PCDH11X: variants seen among roughly 807,000 people sequenced by gnomAD.
The protein encoded by PCDH11X is protocadherin-11 X-linked.
In PCDH11X, 18 loss-of-function variants were observed where a neutral mutation model predicts 53.3. That is an observed-to-expected ratio of 0.34 (90% CI 0.23 to 0.50). The LOEUF is 0.50. Ranked by LOEUF, PCDH11X falls within the 20% of genes least tolerant of loss-of-function variation. The pLI is 0.98. For missense variants in PCDH11X, 570 were observed against 1,032.4 expected (o/e 0.55, Z 6.14); for synonymous variants, 279 against 393.3 (o/e 0.71, Z 3.44).
chrX:92,583,282 G>T (rs1402402312), intron 10 of PCDH11X, among the ~76,000 whole-genome samples: 1 of 102,657 alleles, frequency 9.7e-6, no homozygotes, highest in Non-Finnish European at 2.0e-5. Context: ...TGTATTTTTA[G>T]TAGAGATGGG....
chrX:92,133,204 T>C (rs2065025634), intron 6 of PCDH11X, among the ~76,000 whole-genome samples: 1 of 111,841 alleles, frequency 8.9e-6, no homozygotes, highest in Non-Finnish European at 1.9e-5. Context: ...AGTTCTGACA[T>C]CCTTTATGAA....
At chrX:91,822,283 G>A (rs1428050561) in intron 4 of PCDH11X, among the ~76,000 whole-genome samples, 350 of 106,513 alleles carry the variant, frequency 3.3e-3, no homozygotes, top group African/African-American at 0.012. Context: ...GGTAGAATTC[G>A]GCTGTGAATC....
At chrX:92,238,016 C>A (rs747287955) in intron 7 of PCDH11X, among the ~76,000 whole-genome samples, 79 of 111,515 alleles carry the variant, frequency 7.1e-4, no homozygotes, top group Non-Finnish European at 1.3e-3. Flanking sequence ...AATATTTTAT[C>A]CATAGAAAAC....
At chrX:92,540,690 C>G (rs1307977246) in intron 10 of PCDH11X, among the ~76,000 whole-genome samples, 1 of 107,110 alleles carries the variant, frequency 9.3e-6, no homozygotes, top group Admixed American at 1.0e-4. Flanking sequence ...CAGTACATCT[C>G]AGAGCCCGAG....
chrX:92,490,888 C>A (rs1404987179), intron 10 of PCDH11X, among the ~76,000 whole-genome samples: 1 of 109,234 alleles, frequency 9.2e-6, no homozygotes, highest in Admixed American at 1.0e-4. Context: ...AATGGAAGAA[C>A]AATTAATGAC....
intron 8 of PCDH11X, among the ~76,000 whole-genome samples, chrX:92,359,997 C>T (rs1207814925): frequency 9.0e-6 from 1 of 111,018 alleles, no homozygotes; most frequent in Non-Finnish European, 1.9e-5. Flanking sequence ...ATTAATCTCT[C>T]CATCAAGTTT....
At chrX:91,845,120 G>A (rs6618809) in intron 5 of PCDH11X, among the ~76,000 whole-genome samples, 11,906 of 111,195 alleles carry the variant, frequency 0.11, 1,563 homozygotes, top group African/African-American at 0.37. Context: ...ATATCAAAAA[G>A]CCAAAGAATA....
chrX:92,165,843 G>A (rs981971002), intron 6 of PCDH11X, among the ~76,000 whole-genome samples: 3 of 111,197 alleles, frequency 2.7e-5, no homozygotes, highest in African/African-American at 9.8e-5. Flanking sequence ...CATAGGAGGG[G>A]ATAGATTTCA....
chrX:92,133,380 T>A (rs1168458985), intron 6 of PCDH11X, among the ~76,000 whole-genome samples: 1 of 111,550 alleles, frequency 9.0e-6, no homozygotes, highest in Non-Finnish European at 1.9e-5. Context: ...TTTCTTTGTT[T>A]CTTTGAGACG....
At chrX:92,398,926 C>T (rs2071313291) in intron 9 of PCDH11X, among the ~76,000 whole-genome samples, 1 of 110,935 alleles carries the variant, frequency 9.0e-6, no homozygotes, top group Admixed American at 9.7e-5. Flanking sequence ...GGCGTGGTGG[C>T]TCACGCCTAT....
chrX:92,615,713 C>A lies in PCDH11X; in HGVS notation c.3368-2551C>A, dbSNP rs535342804. 3.6e-5 allele frequency among the ~76,000 whole-genome samples: 4 copies of A among 110,144 alleles called. No homozygotes were observed. The South Asian group carries it at 1.6e-3, about 43-fold the overall frequency. On this transcript the variant is annotated intron_variant, in intron 10 of 10. Coordinates refer to ENST00000682573, the MANE Select transcript of PCDH11X (RefSeq NM_032968.5). ...TTAAAAATGGCATCCTGCTGTCAGTCCTTGGCCTGGGCAAATTTCTGTAGT... is the reference window on the plus strand; with the variant it reads ...TTAAAAATGGCATCCTGCTGTCAGTACTTGGCCTGGGCAAATTTCTGTAGT...
At chrX:91,945,309 G>A (rs1474715442) in intron 6 of PCDH11X, among the ~76,000 whole-genome samples, 1 of 104,725 alleles carries the variant, frequency 9.5e-6, no homozygotes, top group Admixed American at 1.1e-4. Flanking sequence ...CAATACTAGA[G>A]TGCCGTGTTA....
At position 91,878,749 on chromosome X, in the gene PCDH11X, C is replaced by T. The variant is rs1161362870; in HGVS notation, c.2509C>T (p.Arg837Cys). Residue 837 changes from arginine (R) to cysteine (C), a missense_variant, in exon 6 of 11, where the codon CGC (arginine) becomes TGC (cysteine). Coordinates refer to ENST00000682573, the MANE Select transcript of PCDH11X (RefSeq NM_032968.5). Reference protein sequence around the residue: ...VIFITAVVRCRQAPHLKAAQK... With the variant: ...VIFITAVVRCCQAPHLKAAQK... The stretch of plus-strand genomic sequence containing the variant: ...TTTCATCACTGCTGTAGTAAGATGT[C>T]GCCAGGCACCACACCTTAAGGCTGC... 6 of 1,210,493 alleles carry T rather than the reference C, an allele frequency of 5.0e-6. No individual in the cohort carries two copies. The highest frequency in any genetic ancestry group is 3.5e-5 in the South Asian group (2 of 56,868).
At chrX:92,210,138 C>T (rs2066553770) in intron 7 of PCDH11X, among the ~76,000 whole-genome samples, 1 of 109,529 alleles carries the variant, frequency 9.1e-6, no homozygotes, top group Non-Finnish European at 1.9e-5. Flanking sequence ...GCCTTCGAGG[C>T]ATTTTCTCCT....
chrX:92,200,050 T>G (rs769547588), intron 6 of PCDH11X, among the ~76,000 whole-genome samples: 1 of 111,917 alleles, frequency 8.9e-6, no homozygotes, highest in Non-Finnish European at 1.9e-5. Flanking sequence ...AATGTACCTT[T>G]TGGCCATTTG....
intron 1 of PCDH11X, among the ~76,000 whole-genome samples, chrX:91,791,863 T>TC (rs1247570549): frequency 3.2e-5 from 3 of 95,126 alleles, no homozygotes; most frequent in African/African-American, 1.2e-4. Context: ...GTACATTTTT[T>TC]TTTTTTTTTT....
chrX:92,126,127 CA>C (rs35233881), intron 6 of PCDH11X, among the ~76,000 whole-genome samples: 7 of 100,997 alleles, frequency 6.9e-5, no homozygotes, highest in African/African-American at 1.1e-4. Flanking sequence ...AACTCTGTCT[CA>C]AAAAAAAAAT....
chrX:92,143,312 C>T (rs1170378014), intron 6 of PCDH11X, among the ~76,000 whole-genome samples: 1 of 112,099 alleles, frequency 8.9e-6, no homozygotes, highest in Non-Finnish European at 1.9e-5. Flanking sequence ...GGGAAAATGT[C>T]TCCAGGCCAT....
At chrX:91,805,543 G>C (rs959096054) in intron 1 of PCDH11X, among the ~76,000 whole-genome samples, 1 of 111,357 alleles carries the variant, frequency 9.0e-6, no homozygotes, top group Non-Finnish European at 1.9e-5. Flanking sequence ...GGCTAGGCAC[G>C]GTGGCTCATA....
Sources: gnomAD v4.1 joint callset for allele counts (sites outside exome capture counted in the v4.1 genomes callset) on GRCh38, gnomAD v4.1.1 for gene constraint, MANE v1.5 for transcripts, NCBI Gene and HGNC (gene_info 2026-07-23, HGNC 2026-07-21) for gene names.